SORCS1: variants seen among roughly 807,000 people sequenced by gnomAD.
The protein encoded by SORCS1 is sortilin related VPS10 domain containing receptor 1, also known as VPS10 domain-containing receptor SorCS1.
Under a neutral mutation model 146.1 loss-of-function variants are expected in SORCS1, and 60 were observed. The observed-to-expected ratio is 0.41, with a 90% CI of 0.33 to 0.51. The LOEUF is 0.51. Among genes scored for constraint, SORCS1 ranks in the 20% least tolerant of loss-of-function variants. The pLI, the probability that SORCS1 is intolerant of heterozygous loss-of-function variation, is 0.21. For missense variants in SORCS1, 1,352 were observed against 1,487.6 expected (o/e 0.91, Z 1.50); for synonymous variants, 637 against 584.0 (o/e 1.09, Z -1.31).
At chr10:106,919,520 T>C (rs985253972) in intron 2 of SORCS1, among the ~76,000 whole-genome samples, 2 of 152,212 alleles carry the variant, frequency 1.3e-5, no homozygotes, top group African/African-American at 4.8e-5. Flanking sequence ...CATTATCAGA[T>C]ACCTTGGTTT....
intron 6 of SORCS1, among the ~76,000 whole-genome samples, chr10:106,724,471 C>G (rs1181982092): frequency 1.3e-5 from 2 of 150,994 alleles, no homozygotes; most frequent in African/African-American, 4.9e-5. Context: ...CCATTGCACT[C>G]CAGCCTAGGA....
chr10:106,983,245 C>T (rs1013620235), intron 1 of SORCS1, among the ~76,000 whole-genome samples: 25 of 141,854 alleles, frequency 1.8e-4, no homozygotes, highest in African/African-American at 6.6e-4. Flanking sequence ...TATAAATATA[C>T]ATATACATAT....
At chr10:106,985,674 T>C (rs1956439356) in intron 1 of SORCS1, among the ~76,000 whole-genome samples, 1 of 151,824 alleles carries the variant, frequency 6.6e-6, no homozygotes, top group Non-Finnish European at 1.5e-5. Flanking sequence ...GTAGCTGGGA[T>C]TACAGGCGCC....
intron 1 of SORCS1, among the ~76,000 whole-genome samples, chr10:107,155,166 T>C (rs1006252345): frequency 6.6e-6 from 1 of 152,212 alleles, no homozygotes; most frequent in African/African-American, 2.4e-5. Flanking sequence ...GAGCCTTACA[T>C]TCCAATAGGT....
chr10:106,962,227 C>A (rs1338884224), intron 1 of SORCS1, among the ~76,000 whole-genome samples: 1 of 151,728 alleles, frequency 6.6e-6, no homozygotes, highest in Non-Finnish European at 1.5e-5. Context: ...TGGAGAAACC[C>A]CATCTCCATT....
At chr10:106,864,118 G>C (rs970412476) in intron 2 of SORCS1, among the ~76,000 whole-genome samples, 3 of 152,158 alleles carry the variant, frequency 2.0e-5, no homozygotes, top group Admixed American at 1.3e-4. Flanking sequence ...TCTAAAGTTG[G>C]CTCACTAGAA....
chr10:107,050,814 T>C (rs891362348), intron 1 of SORCS1, among the ~76,000 whole-genome samples: 6 of 152,198 alleles, frequency 3.9e-5, no homozygotes, highest in Non-Finnish European at 7.4e-5. Context: ...TGAAGCTCTC[T>C]ACTATGTCAA....
At chr10:106,910,552 T>A (rs1319310387) in intron 2 of SORCS1, among the ~76,000 whole-genome samples, 1 of 152,090 alleles carries the variant, frequency 6.6e-6, no homozygotes, top group Non-Finnish European at 1.5e-5. Flanking sequence ...TCCAGACAGA[T>A]CATTACCAAT....
At chr10:106,616,717 G>A (rs1847387831) in intron 21 of SORCS1, among the ~76,000 whole-genome samples, 1 of 152,116 alleles carries the variant, frequency 6.6e-6, no homozygotes, top group Admixed American at 6.6e-5. Flanking sequence ...CTAACACCCA[G>A]CCATGAAAGG....
At chr10:106,722,709 C>T (rs905118662) in intron 6 of SORCS1, among the ~76,000 whole-genome samples, 2 of 152,146 alleles carry the variant, frequency 1.3e-5, no homozygotes, top group African/African-American at 4.8e-5. Flanking sequence ...CAGAAACATT[C>T]AGGTTGCGGG....
intron 2 of SORCS1, among the ~76,000 whole-genome samples, chr10:106,839,528 T>G (rs1355496999): frequency 6.6e-6 from 1 of 152,184 alleles, no homozygotes; most frequent in Non-Finnish European, 1.5e-5. Flanking sequence ...AACGGGTAAG[T>G]GCAAAGTGAA....
At chr10:106,911,945 T>C (rs1170265179) in intron 2 of SORCS1, among the ~76,000 whole-genome samples, 1 of 151,886 alleles carries the variant, frequency 6.6e-6, no homozygotes, top group East Asian at 1.9e-4. Flanking sequence ...ACCCCGTCTC[T>C]ACTAAAAAAT....
In SORCS1 at chr10:106,915,629, C is replaced by T. The variant is rs374413093; in HGVS notation, c.626+40884G>A. ...TGTTGTGCTTCTTGGATCCACATGG[C>T]GATTTCCCAGAGAATTTGATATGCA... On this transcript the variant is annotated intron_variant, in intron 2 of 25. Transcript: ENST00000263054. Among the ~76,000 whole-genome samples the T allele has an allele frequency of 1.1e-4, 16 of 152,120 alleles. No individual in the cohort carries two copies. In the East Asian group the frequency reaches 1.2e-3, roughly 11 times the overall value.
intron 19 of SORCS1, 136 bp from the exon 20 acceptor site, chr10:106,620,697 A>G (rs1290145479): frequency 4.6e-6 from 5 of 1,079,142 alleles, no homozygotes; most frequent in Non-Finnish European, 5.1e-6. Flanking sequence ...AGAAGTGTTC[A>G]GATGCTTTCC....
chr10:107,165,244 C>T (rs942432433), upstream of SORCS1, among the ~76,000 whole-genome samples: 1 of 150,022 alleles, frequency 6.7e-6, no homozygotes, highest in Non-Finnish European at 1.5e-5. This position sits in a 1 kb window ranked among gnomAD's most constrained non-coding sequence, Gnocchi z 4.0. Flanking sequence ...GGGGAGATCC[C>T]GGAAAGGCAG....
intron 2 of SORCS1, among the ~76,000 whole-genome samples, chr10:106,883,576 A>T (rs1246156222): frequency 6.6e-6 from 1 of 151,762 alleles, no homozygotes; most frequent in Non-Finnish European, 1.5e-5. Flanking sequence ...CACCTGGCTA[A>T]TTTTATTGTT....
At chr10:106,944,859 G>A (rs894722882) in intron 2 of SORCS1, among the ~76,000 whole-genome samples, 7 of 97,802 alleles carry the variant, frequency 7.2e-5, no homozygotes, top group African/African-American at 1.9e-4. Context: ...GTAGAAAGAA[G>A]CAAGAAAGAG....
chr10:107,048,014 T>A (rs1397145775), intron 1 of SORCS1, among the ~76,000 whole-genome samples: 1 of 151,978 alleles, frequency 6.6e-6, no homozygotes, highest in African/African-American at 2.4e-5. Context: ...GCCCGCGAAG[T>A]CAAGGCTGCA....
intron 1 of SORCS1, among the ~76,000 whole-genome samples, chr10:106,968,240 T>C (rs575109600): frequency 4.6e-5 from 7 of 152,080 alleles, no homozygotes; most frequent in African/African-American, 1.7e-4. Flanking sequence ...TACCAATACT[T>C]AAGAGGGATA....
Sources: gnomAD v4.1 joint callset for allele counts (sites outside exome capture counted in the v4.1 genomes callset) on GRCh38, gnomAD v4.1.1 for gene constraint, Gnocchi (gnomAD v3.1) non-coding constraint, MANE v1.5 for transcripts, NCBI Gene and HGNC (gene_info 2026-07-23, HGNC 2026-07-21) for gene names.